The following KCNIP4 variants were observed in gnomAD, a reference collection of about 807,000 sequenced individuals.
KCNIP4 encodes Kv channel-interacting protein 4.
In KCNIP4, 12 loss-of-function variants were observed where a neutral mutation model predicts 34.0. The ratio of observed to expected loss-of-function variants is 0.35; its 90% CI spans 0.23 to 0.57. The LOEUF (loss-of-function observed/expected upper bound fraction) is 0.57. Ranked by LOEUF, KCNIP4 falls within the 20% of genes least tolerant of loss-of-function variation. The pLI is 0.83. For missense variants in KCNIP4, 238 were observed against 311.7 expected (o/e 0.76, Z 1.78); for synonymous variants, 124 against 102.2 (o/e 1.21, Z -1.29).
At chr4:20,799,862 C>A (rs775359554) in intron 3 of KCNIP4, among the ~76,000 whole-genome samples, 1 of 152,196 alleles carries the variant, frequency 6.6e-6, no homozygotes, top group African/African-American at 2.4e-5. Context: ...CAGAGCTGCA[C>A]CAGTGCTGTA....
intron 1 of KCNIP4, among the ~76,000 whole-genome samples, chr4:21,459,058 C>T (rs1219512569): frequency 3.3e-5 from 5 of 151,912 alleles, no homozygotes; most frequent in African/African-American, 7.3e-5. Flanking sequence ...TATCTTTTAA[C>T]CATCATCATC....
intron 1 of KCNIP4, among the ~76,000 whole-genome samples, chr4:21,746,679 C>T (rs948129551): frequency 3.8e-4 from 58 of 151,132 alleles, no homozygotes; most frequent in African/African-American, 1.4e-3. Flanking sequence ...ATTCATAATA[C>T]CAAAAAAAAA....
chr4:21,475,151 C>T (rs955998983), intron 1 of KCNIP4, among the ~76,000 whole-genome samples: 12 of 152,104 alleles, frequency 7.9e-5, no homozygotes, highest in African/African-American at 2.9e-4. Context: ...AGGAGTTTAA[C>T]AGGCCAATAT....
At chr4:21,886,724 T>A (rs960071267) in intron 1 of KCNIP4, among the ~76,000 whole-genome samples, 1 of 152,160 alleles carries the variant, frequency 6.6e-6, no homozygotes, top group Non-Finnish European at 1.5e-5. Flanking sequence ...GACTTCAAGA[T>A]CAGTGATATT....
rs149060192 is a variant in KCNIP4 at position 21,356,380 on chromosome 4, C to T, written c.62-473671G>A. 2.5e-3 allele frequency among the ~76,000 whole-genome samples: 387 copies of T among 152,150 alleles called. 1 individual carries two copies. The highest frequency in any genetic ancestry group is 9.0e-3 in the African/African-American group (373 of 41,522). On this transcript the variant is annotated intron_variant, in intron 1 of 8. Coordinates refer to ENST00000382152, the MANE Select transcript of KCNIP4 (RefSeq NM_025221.6). ...TAGGAAAAGAGGAAGTCAAATTGTC[C>T]CTGTTTGCAGATGCACGATTGCATA...
In KCNIP4 at chr4:21,282,178, C is replaced by T. The variant is rs1762817651; in HGVS notation, c.62-399469G>A. On this transcript the variant is annotated intron_variant, in intron 1 of 8. Transcript: ENST00000382152. ...AAATTTCAGTTAGTCACGTAGCTAC[C>T]TGTAATTGCACTAGCAAATCTACAT... Among the ~76,000 whole-genome samples, 3 of 152,182 alleles carry T rather than the reference C, an allele frequency of 2.0e-5. No individual in the cohort carries two copies. In the South Asian group the frequency reaches 6.2e-4, roughly 31 times the overall value.
intron 1 of KCNIP4, among the ~76,000 whole-genome samples, chr4:20,919,761 G>A (rs1165826244): frequency 2.0e-5 from 3 of 151,928 alleles, no homozygotes; most frequent in Non-Finnish European, 2.9e-5. Flanking sequence ...TGGCGGGGGG[G>A]AGTCAAATGA....
chr4:21,645,680 G>T lies in KCNIP4; in HGVS notation c.61+302891C>A, dbSNP rs115219077. Among the ~76,000 whole-genome samples, 547 of 152,102 alleles carry T rather than the reference G, an allele frequency of 3.6e-3. 3 individuals carry two copies. Among genetic ancestry groups the T allele is most frequent in the African/African-American group, 0.013 (524 of 41,508 alleles). On this transcript the variant is annotated intron_variant, in intron 1 of 8. Transcript: ENST00000382152. ...GCCTATCTCTGTGCTGTCCTTGATC[G>T]CTGAACCAAGCCCCAAACCTATACT...
chr4:21,213,579 G>C (rs1318881975), intron 1 of KCNIP4, among the ~76,000 whole-genome samples: 1 of 152,074 alleles, frequency 6.6e-6, no homozygotes, highest in Non-Finnish European at 1.5e-5. Context: ...TGTGATTACA[G>C]GCGTGAGCCA....
At chr4:20,862,827 A>T (rs1288041259) in intron 2 of KCNIP4, among the ~76,000 whole-genome samples, 1 of 152,174 alleles carries the variant, frequency 6.6e-6, no homozygotes, top group Non-Finnish European at 1.5e-5. Context: ...AGAAACATGG[A>T]TGGAGCTGGA....
In KCNIP4 at chr4:21,810,299, A is replaced by G. The variant is rs1228871997; in HGVS notation, c.61+138272T>C. ...CATAAAATCATAAAACTGGTAAGAG[A>G]TTACAACTCCAAGAAGTGTGATCTC... On this transcript the variant is annotated intron_variant, in intron 1 of 8. Coordinates refer to ENST00000382152, the MANE Select transcript of KCNIP4 (RefSeq NM_025221.6). 3.9e-5 allele frequency among the ~76,000 whole-genome samples: 6 copies of G among 152,224 alleles called. 1 individual carries two copies. Among genetic ancestry groups the G allele is most frequent in the African/African-American group, 9.6e-5 (4 of 41,462 alleles).
At chr4:21,286,817 G>A (rs1296490476) in intron 1 of KCNIP4, among the ~76,000 whole-genome samples, 1 of 152,130 alleles carries the variant, frequency 6.6e-6, no homozygotes, top group East Asian at 1.9e-4. Flanking sequence ...TAAACCAAGG[G>A]ACAGATCTTG....
intron 1 of KCNIP4, among the ~76,000 whole-genome samples, chr4:21,183,117 T>C (rs993478137): frequency 2.0e-5 from 3 of 152,184 alleles, no homozygotes; most frequent in African/African-American, 7.2e-5. Flanking sequence ...CACGTCTTTG[T>C]GTGCCTGGCT....
chr4:21,453,960 T>C (rs1194286977), intron 1 of KCNIP4, among the ~76,000 whole-genome samples: 1 of 152,058 alleles, frequency 6.6e-6, no homozygotes, highest in Non-Finnish European at 1.5e-5. Context: ...CAATGACCTC[T>C]GAGGCTTGTT....
chr4:21,064,720 C>T (rs1205129994), intron 1 of KCNIP4, among the ~76,000 whole-genome samples: 2 of 151,966 alleles, frequency 1.3e-5, no homozygotes, highest in Non-Finnish European at 2.9e-5. Context: ...TATTCAAGGG[C>T]CAGGGATTGG....
intron 1 of KCNIP4, among the ~76,000 whole-genome samples, chr4:21,186,592 T>A (rs779733241): frequency 1.3e-5 from 2 of 152,224 alleles, no homozygotes; most frequent in Non-Finnish European, 2.9e-5. Flanking sequence ...GCATCACTTA[T>A]GCATTTAAAG....
At chr4:20,790,222 T>C (rs922147239) in intron 3 of KCNIP4, among the ~76,000 whole-genome samples, 2 of 152,112 alleles carry the variant, frequency 1.3e-5, no homozygotes, top group Admixed American at 1.3e-4. Flanking sequence ...ACAATAAAAA[T>C]GTGATATAAA....
intron 1 of KCNIP4, among the ~76,000 whole-genome samples, chr4:21,487,505 T>C (rs1732018723): frequency 7.0e-6 from 1 of 143,788 alleles, no homozygotes; most frequent in African/African-American, 2.5e-5. Flanking sequence ...TTCTTTTTTA[T>C]CCTCCCTTTC....
At chr4:21,516,910 A>G (rs532126435) in intron 1 of KCNIP4, among the ~76,000 whole-genome samples, 3 of 152,322 alleles carry the variant, frequency 2.0e-5, no homozygotes, top group East Asian at 1.9e-4. Flanking sequence ...AACATACACA[A>G]TATTAGAGAC....
Sources: gnomAD v4.1 joint callset for allele counts (sites outside exome capture counted in the v4.1 genomes callset) on GRCh38, gnomAD v4.1.1 for gene constraint, MANE v1.5 for transcripts, NCBI Gene and HGNC (gene_info 2026-07-23, HGNC 2026-07-21) for gene names.